The following GPM6A variants were observed in gnomAD, a reference collection of about 807,000 sequenced individuals.
The protein encoded by GPM6A is glycoprotein M6A.
Under a neutral mutation model 32.1 loss-of-function variants are expected in GPM6A, and 7 were observed. That is an observed-to-expected ratio of 0.22 (90% CI 0.12 to 0.41). The LOEUF is 0.41. Among genes scored for constraint, GPM6A ranks in the 10% least tolerant of loss-of-function variants. The pLI is 1.00. For synonymous variants in GPM6A, 130 were observed against 123.4 expected (o/e 1.05, Z -0.35); for missense variants, 235 against 347.2 (o/e 0.68, Z 2.57).
intron 1 of GPM6A, among the ~76,000 whole-genome samples, chr4:175,706,425 G>A (rs986180573): frequency 4.6e-5 from 7 of 152,172 alleles, no homozygotes; most frequent in African/African-American, 1.7e-4. Context: ...AGGAGAGACA[G>A]ACAACAAAGA....
intron 1 of GPM6A, among the ~76,000 whole-genome samples, chr4:175,710,425 T>C (rs1329259962): frequency 6.6e-6 from 1 of 152,178 alleles, no homozygotes; most frequent in Non-Finnish European, 1.5e-5. Flanking sequence ...CTAAAGTTTA[T>C]TGAGATCTCT....
chr4:175,952,245 A>G (rs541817611), intron 1 of GPM6A, among the ~76,000 whole-genome samples: 193 of 152,334 alleles, frequency 1.3e-3, no homozygotes, highest in African/African-American at 4.5e-3. Context: ...TTTTGAGAAC[A>G]TTCTTTTATG....
intron 1 of GPM6A, among the ~76,000 whole-genome samples, chr4:175,863,630 T>C (rs74376406): frequency 0.016 from 2,429 of 152,320 alleles, 59 homozygotes; most frequent in South Asian, 0.064. Context: ...TGAAAGCACA[T>C]GTTTAATTTC....
At chr4:175,842,763 T>C (rs1019961928) in intron 1 of GPM6A, among the ~76,000 whole-genome samples, 3 of 152,118 alleles carry the variant, frequency 2.0e-5, no homozygotes, top group Non-Finnish European at 2.9e-5. Context: ...CCATCTTTTT[T>C]CTGCTCTATG....
intron 1 of GPM6A, chr4:175,787,639 G>A (rs1190565853): frequency 4.0e-6 from 5 of 1,260,436 alleles, no homozygotes; most frequent in Non-Finnish European, 3.0e-6. Context: ...TTGCTTTACT[G>A]ACATAACTCT....
chr4:175,764,891 G>C (rs1732899810), intron 1 of GPM6A, among the ~76,000 whole-genome samples: 1 of 119,908 alleles, frequency 8.3e-6, no homozygotes, highest in Non-Finnish European at 1.8e-5. Context: ...TTATTATTTT[G>C]ATACAGAGTT....
chr4:175,858,875 G>C (rs1484820685), intron 1 of GPM6A, among the ~76,000 whole-genome samples: 1 of 152,050 alleles, frequency 6.6e-6, no homozygotes, highest in Non-Finnish European at 1.5e-5. Context: ...TGCATGAAAG[G>C]GAATTCTATT....
chr4:175,771,551 CAAAA>C (rs889739577), intron 1 of GPM6A, among the ~76,000 whole-genome samples: 1 of 66,562 alleles, frequency 1.5e-5, no homozygotes, highest in Admixed American at 1.7e-4. Flanking sequence ...GACTCTGTCT[CAAAA>C]AAAAAAAAAA....
intron 1 of GPM6A, among the ~76,000 whole-genome samples, chr4:175,803,164 T>TTCATCA (rs5864348): frequency 0.026 from 3,840 of 145,580 alleles, 163 homozygotes; most frequent in African/African-American, 0.089. Flanking sequence ...CTGTTCTCGT[T>TTCATCA]TCATCATCAT....
At chr4:175,696,440 T>C (rs1315899337) in intron 2 of GPM6A, among the ~76,000 whole-genome samples, 1 of 152,210 alleles carries the variant, frequency 6.6e-6, no homozygotes, top group Admixed American at 6.6e-5. Context: ...TGTTATTTCA[T>C]ATTGGTGTTT....
chr4:175,744,389 G>C (rs968603418), intron 1 of GPM6A, among the ~76,000 whole-genome samples: 1 of 151,844 alleles, frequency 6.6e-6, no homozygotes, highest in African/African-American at 2.4e-5. Flanking sequence ...AGTCATAAAT[G>C]CATAAATTTT....
At position 175,853,750 on chromosome 4, in the gene GPM6A, G is replaced by T. The variant is rs61431472; in HGVS notation, c.-22-41501C>A. Among the ~76,000 whole-genome samples the T allele has an allele frequency of 5.5e-3, 838 of 152,120 alleles. 8 individuals carry two copies. Among genetic ancestry groups the T allele is most frequent in the African/African-American group, 0.019 (799 of 41,514 alleles). On this transcript the variant is annotated intron_variant, in intron 1 of 7. Transcript: ENST00000280187. The stretch of plus-strand genomic sequence containing the variant: ...GACTCTGAGGTTTTATTTCTAAGTA[G>T]TACTTTTGTGTGAAGATATTATGAT...
intron 3 of GPM6A, among the ~76,000 whole-genome samples, chr4:175,656,852 C>G (rs1339284933): frequency 1.3e-5 from 2 of 152,134 alleles, no homozygotes; most frequent in Non-Finnish European, 2.9e-5. Flanking sequence ...ACTCTGATTG[C>G]ACAAGTCTCT....
At chr4:175,776,116 A>G (rs1050554405) in intron 1 of GPM6A, among the ~76,000 whole-genome samples, 2 of 152,184 alleles carry the variant, frequency 1.3e-5, no homozygotes, top group African/African-American at 4.8e-5. Flanking sequence ...AAGGGACAAT[A>G]AAAGAGATAA....
At chr4:175,913,980 C>T (rs775328840) in intron 1 of GPM6A, among the ~76,000 whole-genome samples, 2 of 152,074 alleles carry the variant, frequency 1.3e-5, no homozygotes, top group Non-Finnish European at 2.9e-5. Flanking sequence ...TGAGACAGGT[C>T]TCAATCAATT....
At chr4:175,973,704 G>A (rs963947484) in intron 1 of GPM6A, among the ~76,000 whole-genome samples, 1 of 152,192 alleles carries the variant, frequency 6.6e-6, no homozygotes, top group Non-Finnish European at 1.5e-5. Flanking sequence ...CTCAGTGGAG[G>A]TGCTAATGAG....
chr4:175,691,832 C>T (rs1031527601), intron 2 of GPM6A, among the ~76,000 whole-genome samples: 1 of 152,134 alleles, frequency 6.6e-6, no homozygotes, highest in African/African-American at 2.4e-5. Context: ...CCATTGTAAT[C>T]ACAAGAATCC....
rs1328956196 is a variant in GPM6A, at chr4:175,836,304, C to T, written c.-22-24055G>A. On this transcript the variant is annotated intron_variant, in intron 1 of 7. Transcript: ENST00000280187. ...TCTGCTCCTCAGATCCTATTCCTTT[C>T]GTAGATTCTTTCACTCAACTAATGT... Among the ~76,000 whole-genome samples the T allele has an allele frequency of 3.3e-5, 5 of 152,132 alleles. No homozygotes were observed. In the South Asian group the frequency reaches 8.3e-4, roughly 25 times the overall value.
chr4:175,875,923 G>A (rs953153967), intron 1 of GPM6A, among the ~76,000 whole-genome samples: 2 of 152,054 alleles, frequency 1.3e-5, no homozygotes, highest in Admixed American at 1.3e-4. Context: ...TGTAAATCTT[G>A]TCTTGGTAAT....
Sources: allele counts gnomAD v4.1 joint callset (sites outside exome capture counted in the v4.1 genomes callset), GRCh38; gene constraint gnomAD v4.1.1; transcripts MANE v1.5; gene names NCBI Gene and HGNC (gene_info 2026-07-23, HGNC 2026-07-21).